MTREX: variants seen among roughly 807,000 people sequenced by gnomAD.
MTREX encodes exosome RNA helicase MTR4.
A neutral mutation model predicts 135.4 loss-of-function variants in MTREX; 76 were observed. That is an observed-to-expected ratio of 0.56 (90% CI 0.47 to 0.68). The LOEUF is 0.68. Ranked by LOEUF, MTREX falls within the 30% of genes least tolerant of loss-of-function variation. The probability of loss-of-function intolerance (pLI) is 0.00; values close to 1 mark genes in which losing one functional copy is unlikely to be tolerated. For synonymous variants in MTREX, 404 were observed against 401.6 expected, an observed-to-expected ratio of 1.01 and a Z score of -0.07; for missense variants, 920 against 1,262.1, an observed-to-expected ratio of 0.73 and a Z score of 4.11.
At position 55,327,888 on chromosome 5, in the gene MTREX, A is replaced by G. The variant is rs1006418539; in HGVS notation, c.402+110A>G. ...TTTCCCACAACATGTATATGTATGTATCAAGAACAAGCCAACTAAAGACAA... is the reference window on the plus strand; with the variant it reads ...TTTCCCACAACATGTATATGTATGTGTCAAGAACAAGCCAACTAAAGACAA... On this transcript the variant is annotated intron_variant, in intron 4 of 26. Transcript: ENST00000230640. 6 of 760,570 alleles carry G rather than the reference A, an allele frequency of 7.9e-6. No homozygotes were observed. In the African/African-American group the frequency reaches 1.1e-4, roughly 13 times the overall value. 47.1% of individuals were successfully genotyped at this position (760,570 alleles called of 1,614,324 possible).
At chr5:55,396,521 AC>A (rs1317326607) in intron 19 of MTREX, among the ~76,000 whole-genome samples, 1 of 152,014 alleles carries the variant, frequency 6.6e-6, no homozygotes, top group African/African-American at 2.4e-5. Flanking sequence ...AAAACACCCC[AC>A]CCCAAAAACT....
Position 55,405,602 on chromosome 5 carries a change from ATTG to A in MTREX, c.2645+17_2645+19del, listed in dbSNP as rs1579897923. 5 of 1,588,836 alleles carry A rather than the reference ATTG, an allele frequency of 3.1e-6. No homozygotes were observed. In the East Asian group the frequency reaches 9.0e-5, roughly 28 times the overall value. On this transcript the variant is annotated intron_variant, in intron 22 of 26. Coordinates refer to ENST00000230640, the MANE Select transcript of MTREX (RefSeq NM_015360.5). Reference sequence around the variant, plus strand: ...TGAGATAAGCAGGTAAAATCTGGTTATTGTTCTAGAAAGTTCATTTTTTTTTTC... The same window carrying A: ...TGAGATAAGCAGGTAAAATCTGGTTATTCTAGAAAGTTCATTTTTTTTTTC...
chr5:55,397,626 C>A, intron 20 of MTREX, 100 bp downstream of exon 20: 1 of 623,708 alleles, frequency 1.6e-6, no homozygotes, highest in Non-Finnish European at 2.6e-6. Context: ...TGCTTTCTTT[C>A]AGAATACCTA....
At chr5:55,331,295 T>G (rs1277175265) in intron 5 of MTREX, among the ~76,000 whole-genome samples, 1 of 152,204 alleles carries the variant, frequency 6.6e-6, no homozygotes, top group African/African-American at 2.4e-5. Context: ...TGCTGAATAC[T>G]TTTGCATTTT....
At chr5:55,417,362 C>T (rs1750981636) in intron 25 of MTREX, among the ~76,000 whole-genome samples, 1 of 152,134 alleles carries the variant, frequency 6.6e-6, no homozygotes, top group Admixed American at 6.6e-5. Flanking sequence ...CTATGGTAAA[C>T]AGTTTGGCCA....
intron 1 of MTREX, among the ~76,000 whole-genome samples, chr5:55,310,075 G>A (rs1355690240): frequency 6.6e-6 from 1 of 152,152 alleles, no homozygotes; most frequent in African/African-American, 2.4e-5. Context: ...AATTTACCAT[G>A]TTAGTATATA....
intron 23 of MTREX, among the ~76,000 whole-genome samples, chr5:55,412,109 T>C (rs1304317943): frequency 2.0e-5 from 3 of 152,192 alleles, no homozygotes; most frequent in African/African-American, 7.2e-5. Flanking sequence ...CCACACTTTT[T>C]TATATACAGT....
At chr5:55,388,584 G>T (rs1431180058) in intron 19 of MTREX, among the ~76,000 whole-genome samples, 1 of 152,126 alleles carries the variant, frequency 6.6e-6, no homozygotes, top group East Asian at 1.9e-4. Context: ...TGTGTTAGAT[G>T]ATTTTGCCCA....
At chr5:55,408,044 A>G (rs1331840525) in intron 22 of MTREX, among the ~76,000 whole-genome samples, 1 of 152,130 alleles carries the variant, frequency 6.6e-6, no homozygotes, top group East Asian at 1.9e-4. Context: ...GGTGTGAGCC[A>G]CTTCACCCAG....
chr5:55,374,974 T>C (rs1750271308), intron 16 of MTREX, among the ~76,000 whole-genome samples: 2 of 152,232 alleles, frequency 1.3e-5, no homozygotes, highest in South Asian at 4.1e-4. Flanking sequence ...ACATCACATG[T>C]CGGTAGGTTC....
chr5:55,346,336 C>T (rs1749732226), intron 10 of MTREX, among the ~76,000 whole-genome samples: 1 of 152,190 alleles, frequency 6.6e-6, no homozygotes, highest in Non-Finnish European at 1.5e-5. Flanking sequence ...TCACCGTACT[C>T]CTCCTCCATA....
At chr5:55,372,281 C>T (rs1750216123) in intron 16 of MTREX, among the ~76,000 whole-genome samples, 4 of 152,058 alleles carry the variant, frequency 2.6e-5, no homozygotes. Context: ...GACTGAAATA[C>T]AGCTCCTGTA....
chr5:55,342,408 A>C (rs1223754581), intron 7 of MTREX, among the ~76,000 whole-genome samples: 1 of 152,218 alleles, frequency 6.6e-6, no homozygotes. Context: ...TGCAAAGTTA[A>C]CTTTCCTGAT....
intron 19 of MTREX, among the ~76,000 whole-genome samples, chr5:55,392,216 G>T (rs1380474941): frequency 6.6e-6 from 1 of 152,074 alleles, no homozygotes; most frequent in Non-Finnish European, 1.5e-5. Flanking sequence ...GCTCATAATT[G>T]TGCAGAGACT....
chr5:55,376,098 A>G (rs1750296861), intron 16 of MTREX, among the ~76,000 whole-genome samples: 2 of 152,222 alleles, frequency 1.3e-5, no homozygotes, highest in Admixed American at 6.5e-5. Context: ...AGTTTAATCC[A>G]TAAAGATTTT....
At chr5:55,349,871 A>T (rs1749799504) in intron 12 of MTREX, among the ~76,000 whole-genome samples, 1 of 152,258 alleles carries the variant, frequency 6.6e-6, no homozygotes, top group Non-Finnish European at 1.5e-5. Flanking sequence ...GAGAGCTAGT[A>T]TGGTGTGAAA....
rs548802641 is a variant in MTREX at position 55,424,961 on chromosome 5, A to G, written c.*189A>G. The G allele has an allele frequency of 3.6e-5, 23 of 642,202 alleles. No individual in the cohort carries two copies. The South Asian group carries it at 5.1e-4, about 14-fold the overall frequency. 39.8% of individuals were successfully genotyped at this position (642,202 alleles called of 1,614,324 possible). ...CATAAGCATTACATTTTTTTAATAA[A>G]AATGTATACAGGTGGGGCACTGTTT... is the stretch of plus-strand genomic sequence containing the variant. On this transcript the variant is annotated 3_prime_UTR_variant, in exon 27 of 27. Transcript: ENST00000230640.
chr5:55,365,314 C>T (rs980650035), intron 15 of MTREX, among the ~76,000 whole-genome samples: 4 of 152,082 alleles, frequency 2.6e-5, no homozygotes, highest in African/African-American at 7.2e-5. Context: ...CCTTTTGGCC[C>T]TATTTTTAAG....
rs532973250 is a variant in MTREX at position 55,411,976 on chromosome 5, A to G, written c.2751+1347A>G. On this transcript the variant is annotated intron_variant, in intron 23 of 26. Transcript: ENST00000230640. ...TGTTTTATATTTTGGCACTATTACA[A>G]TAGTTCCTTTTTCTGAGAAGCCAAT... Among the ~76,000 whole-genome samples the G allele has an allele frequency of 3.9e-5, 6 of 152,252 alleles. No individual in the cohort carries two copies. In the South Asian group the frequency reaches 1.0e-3, roughly 26 times the overall value.
Sources: gnomAD v4.1 joint callset for allele counts (sites outside exome capture counted in the v4.1 genomes callset) on GRCh38, gnomAD v4.1.1 for gene constraint, MANE v1.5 for transcripts, NCBI Gene and HGNC (gene_info 2026-07-23, HGNC 2026-07-21) for gene names.